The following SPAG16 variants were observed in gnomAD, a reference collection of about 807,000 sequenced individuals.
The protein encoded by SPAG16 is sperm-associated antigen 16 protein.
A neutral mutation model predicts 80.4 loss-of-function variants in SPAG16; 86 were observed. The ratio of observed to expected loss-of-function variants is 1.07; its 90% CI spans 0.90 to 1.28. The LOEUF is 1.28. Among genes scored for constraint, SPAG16 ranks in the 50% most tolerant of loss-of-function variants. The pLI is 0.00. For synonymous variants in SPAG16, 294 were observed against 265.9 expected (o/e 1.11, Z -1.03); for missense variants, 870 against 765.3 (o/e 1.14, Z -1.61).
chr2:214,122,806 G>C (rs1457341895), intron 14 of SPAG16, among the ~76,000 whole-genome samples: 1 of 151,776 alleles, frequency 6.6e-6, no homozygotes, highest in African/African-American at 2.4e-5. Context: ...TAGATGTGTG[G>C]TGAAAAACAC....
At chr2:213,300,339 A>G (rs932043771) in intron 3 of SPAG16, among the ~76,000 whole-genome samples, 3 of 152,092 alleles carry the variant, frequency 2.0e-5, no homozygotes, top group Non-Finnish European at 4.4e-5. Context: ...ATAATTAACT[A>G]TTTTTGGAGA....
chr2:213,797,290 CT>C, intron 10 of SPAG16, among the ~76,000 whole-genome samples: 1 of 152,164 alleles, frequency 6.6e-6, no homozygotes, highest in Non-Finnish European at 1.5e-5. Flanking sequence ...TTTATAAAGT[CT>C]ACAGTAATGT....
At chr2:214,143,234 GTTTTT>G (rs59910884) in intron 14 of SPAG16, among the ~76,000 whole-genome samples, 91 of 112,704 alleles carry the variant, frequency 8.1e-4, no homozygotes, top group African/African-American at 2.9e-3. Context: ...ATAGTTTTGG[GTTTTT>G]TTTTTTTTTT....
intron 9 of SPAG16, among the ~76,000 whole-genome samples, chr2:213,463,424 A>G (rs530162330): frequency 3.3e-5 from 5 of 152,358 alleles, no homozygotes; most frequent in Admixed American, 2.6e-4. Flanking sequence ...AGCCCCTCCC[A>G]TTACAGGCCA....
At chr2:214,078,639 A>G (rs1449151991) in intron 13 of SPAG16, among the ~76,000 whole-genome samples, 3 of 152,066 alleles carry the variant, frequency 2.0e-5, no homozygotes, top group African/African-American at 4.8e-5. Context: ...AAACAGTTCA[A>G]TGAATTTGAT....
At chr2:214,009,097 T>C (rs1037028640) in intron 12 of SPAG16, among the ~76,000 whole-genome samples, 1 of 152,154 alleles carries the variant, frequency 6.6e-6, no homozygotes, top group African/African-American at 2.4e-5. Context: ...CAATCAACCA[T>C]AGAGCAGGAA....
chr2:214,000,557 G>GCTAT (rs1439367312), intron 12 of SPAG16, among the ~76,000 whole-genome samples: 1 of 152,214 alleles, frequency 6.6e-6, no homozygotes, highest in African/African-American at 2.4e-5. Flanking sequence ...CTCTGGGCTA[G>GCTAT]CTATGTACAA....
chr2:214,132,035 G>C (rs945644533), intron 14 of SPAG16, among the ~76,000 whole-genome samples: 1 of 152,100 alleles, frequency 6.6e-6, no homozygotes, highest in African/African-American at 2.4e-5. Flanking sequence ...GCATGTGTAG[G>C]GGAGACAGGA....
intron 10 of SPAG16, among the ~76,000 whole-genome samples, chr2:213,845,888 T>A (rs1409183300): frequency 2.6e-5 from 4 of 152,206 alleles, no homozygotes; most frequent in African/African-American, 9.6e-5. Flanking sequence ...CTGCTCCATG[T>A]CTCTCAACCT....
chr2:214,076,752 T>C (rs1467072658), intron 13 of SPAG16, among the ~76,000 whole-genome samples: 2 of 152,092 alleles, frequency 1.3e-5, no homozygotes, highest in African/African-American at 2.4e-5. Context: ...GGCATATGAG[T>C]TCATAGTTTG....
intron 15 of SPAG16, among the ~76,000 whole-genome samples, chr2:214,321,489 C>A (rs1395674287): frequency 1.3e-5 from 2 of 152,170 alleles, no homozygotes; most frequent in African/African-American, 4.8e-5. Context: ...TGCGTTCAAC[C>A]TACACAGTTG....
intron 13 of SPAG16, among the ~76,000 whole-genome samples, chr2:214,041,980 A>ATG (rs1559725800): frequency 2.0e-5 from 2 of 101,798 alleles, no homozygotes; most frequent in South Asian, 3.1e-4. Context: ...CTGTGTGTGT[A>ATG]TATATATATA....
intron 10 of SPAG16, among the ~76,000 whole-genome samples, chr2:213,712,425 CT>C (rs1254535698): frequency 6.6e-6 from 1 of 152,160 alleles, no homozygotes; most frequent in Non-Finnish European, 1.5e-5. Flanking sequence ...TACTTAATAG[CT>C]CTAACACTGC....
intron 10 of SPAG16, among the ~76,000 whole-genome samples, chr2:213,577,100 CTCTT>C (rs912221037): frequency 2.0e-5 from 3 of 152,184 alleles, no homozygotes; most frequent in African/African-American, 7.2e-5. Context: ...TTTCATTTTT[CTCTT>C]TCTGTCTCTT....
chr2:213,696,713 G>T (rs2065169054), intron 10 of SPAG16, among the ~76,000 whole-genome samples: 2 of 152,176 alleles, frequency 1.3e-5, no homozygotes, highest in African/African-American at 4.8e-5. Context: ...TGTTAAAACT[G>T]TGAAATAGCT....
intron 14 of SPAG16, among the ~76,000 whole-genome samples, chr2:214,121,338 C>A (rs967170632): frequency 1.3e-5 from 2 of 151,788 alleles, no homozygotes; most frequent in African/African-American, 2.4e-5. Flanking sequence ...TGCTTAGCTG[C>A]AAACTAAAGT....
chr2:213,300,010 G>A (rs546912120), intron 3 of SPAG16, among the ~76,000 whole-genome samples: 1 of 152,132 alleles, frequency 6.6e-6, no homozygotes, highest in Non-Finnish European at 1.5e-5. Context: ...CTTTTTATAA[G>A]TGTATTTTTG....
chr2:214,402,953 CAA>C lies in SPAG16; in HGVS notation c.1721-7186_1721-7185del, dbSNP rs962385231. 2.7e-5 allele frequency among the ~76,000 whole-genome samples: 4 copies of C among 149,476 alleles called. No individual in the cohort carries two copies. The Admixed American group carries it at 2.7e-4, about 10-fold the overall frequency. On this transcript the variant is annotated intron_variant, in intron 15 of 15. Coordinates refer to ENST00000331683, the MANE Select transcript of SPAG16 (RefSeq NM_024532.5). Reference sequence around the variant, plus strand: ...ACACTGGAAACTGGAGTGGCACACTCAAGAGAGATTTTGATAGACACATCTCT... The same window carrying C: ...ACACTGGAAACTGGAGTGGCACACTCGAGAGATTTTGATAGACACATCTCT...
intron 10 of SPAG16, among the ~76,000 whole-genome samples, chr2:213,677,951 A>G (rs2064176781): frequency 6.6e-6 from 1 of 152,070 alleles, no homozygotes; most frequent in African/African-American, 2.4e-5. Flanking sequence ...ACTAGAACTC[A>G]GGATTAAGAA....
Sources: gnomAD v4.1 joint callset for allele counts (sites outside exome capture counted in the v4.1 genomes callset) on GRCh38, gnomAD v4.1.1 for gene constraint, MANE v1.5 for transcripts, NCBI Gene and HGNC (gene_info 2026-07-23, HGNC 2026-07-21) for gene names.